MYOM3: variants seen among roughly 807,000 people sequenced by gnomAD.
MYOM3 encodes the protein myomesin 3.
In MYOM3, 155 loss-of-function variants were observed where a neutral mutation model predicts 191.7. That is an observed-to-expected ratio of 0.81 (90% CI 0.71 to 0.92). The LOEUF (loss-of-function observed/expected upper bound fraction) is 0.92. Ranked by LOEUF, MYOM3 falls within the 40% of genes least tolerant of loss-of-function variation. MYOM3 has a pLI of 0.00. For synonymous variants in MYOM3, 757 were observed against 762.9 expected, an observed-to-expected ratio of 0.99 and a Z score of 0.13; for missense variants, 1,889 against 1,890.6, an observed-to-expected ratio of 1.00 and a Z score of 0.02.
intron 18 of MYOM3, chr1:24,081,692 A>G (rs903338063): frequency 1.7e-6 from 1 of 594,976 alleles, no homozygotes; most frequent in East Asian, 2.9e-5. Context: ...CCTCTCGAGT[A>G]GCCAGGACTA....
chr1:24,095,607 G>A (rs915824973), intron 7 of MYOM3, 121 bp from the exon 8 acceptor site: 10 of 799,906 alleles, frequency 1.3e-5, no homozygotes, highest in Admixed American at 2.7e-5. Context: ...TTCCCCTTGT[G>A]GCTTTGGGAA....
At chr1:24,067,792 C>T (rs947426052) in intron 27 of MYOM3, among the ~76,000 whole-genome samples, 178 bp downstream of exon 27, 9 of 152,138 alleles carry the variant, frequency 5.9e-5, no homozygotes, top group Admixed American at 2.0e-4. Context: ...GGGCTCAGCT[C>T]TCACCCTCAG....
chr1:24,068,437 G>A lies in MYOM3; in HGVS notation c.3151-70C>T, dbSNP rs911906581. 3.8e-6 allele frequency: 6 copies of A among 1,582,606 alleles called. No individual in the cohort carries two copies. The East Asian group carries it at 1.3e-4, about 35-fold the overall frequency. ...TTTGTTGTGGGGTACACATCAGAGT[G>A]TAGTGGGCTTGGGGGTGGTAAGCAC... is the stretch of plus-strand genomic sequence containing the variant. On this transcript the variant is annotated intron_variant, in intron 25 of 36. Coordinates refer to ENST00000374434, the MANE Select transcript of MYOM3 (RefSeq NM_152372.4).
At chr1:24,082,828 T>A in intron 16 of MYOM3, 114 bp from the exon 17 acceptor site, 1 of 1,297,162 alleles carries the variant, frequency 7.7e-7, no homozygotes. Context: ...AATTTGAAGG[T>A]TCAGGTCAAT....
At chr1:24,075,835 T>C (rs1643592268) in intron 21 of MYOM3, among the ~76,000 whole-genome samples, 1 of 152,242 alleles carries the variant, frequency 6.6e-6, no homozygotes, top group Admixed American at 6.5e-5. Flanking sequence ...CATTCACTCC[T>C]GTATTCGCAG....
intron 30 of MYOM3, 37 bp downstream of exon 30, chr1:24,064,035 C>T: frequency 1.3e-6 from 2 of 1,490,310 alleles, no homozygotes; most frequent in Non-Finnish European, 1.9e-6. Context: ...CTCCACTGTG[C>T]TCCCTCCACA....
intron 17 of MYOM3, 149 bp downstream of exon 17, chr1:24,082,443 GA>G: frequency 8.5e-7 from 1 of 1,171,508 alleles, no homozygotes; most frequent in East Asian, 2.7e-5. Flanking sequence ...CTTCCCAAAG[GA>G]AAGGGCAGCC....
chr1:24,090,388 C>T (rs1643802358), intron 12 of MYOM3, among the ~76,000 whole-genome samples: 1 of 152,094 alleles, frequency 6.6e-6, no homozygotes, highest in South Asian at 2.1e-4. Flanking sequence ...CGCTGGGCAC[C>T]CTGCCACGGT....
At chr1:24,086,348 G>A (rs1485629856) in intron 15 of MYOM3, among the ~76,000 whole-genome samples, 5 of 152,092 alleles carry the variant, frequency 3.3e-5, no homozygotes, top group Admixed American at 6.5e-5. Context: ...CCTGTGGAAC[G>A]GAGGGACCAG....
At chr1:24,081,973 AC>A in intron 18 of MYOM3, 27 bp downstream of exon 18, 1 of 1,589,236 alleles carries the variant, frequency 6.3e-7, no homozygotes. Context: ...AAGTCATGAC[AC>A]AGGCTGGGGC....
At chr1:24,105,121 G>T (rs933112947) in intron 5 of MYOM3, among the ~76,000 whole-genome samples, 3 of 151,914 alleles carry the variant, frequency 2.0e-5, no homozygotes, top group Non-Finnish European at 4.4e-5. Flanking sequence ...TAGCCTCTGG[G>T]ATTCTGCCAT....
chr1:24,101,865 T>C (rs1369691583), intron 5 of MYOM3, among the ~76,000 whole-genome samples: 1 of 152,144 alleles, frequency 6.6e-6, no homozygotes, highest in Non-Finnish European at 1.5e-5. Flanking sequence ...TTGTTCCCCG[T>C]GTTGTGTGAA....
At chr1:24,073,143 T>G (rs1643551409) in intron 23 of MYOM3, among the ~76,000 whole-genome samples, 1 of 152,150 alleles carries the variant, frequency 6.6e-6, no homozygotes, top group Non-Finnish European at 1.5e-5. Flanking sequence ...GGGATTATAA[T>G]CCCTCTTTAC....
intron 5 of MYOM3, among the ~76,000 whole-genome samples, chr1:24,100,722 T>G (rs556099602): frequency 6.6e-6 from 1 of 152,118 alleles, no homozygotes; most frequent in East Asian, 1.9e-4. Context: ...CCGTTTCTCC[T>G]AAAAATACAA....
At chr1:24,071,274 A>G in intron 24 of MYOM3, 21 bp from the exon 25 acceptor site, 1 of 1,601,952 alleles carries the variant, frequency 6.2e-7, no homozygotes, top group Non-Finnish European at 8.5e-7. Flanking sequence ...CAGGACGGGA[A>G]GGGGGTGGGT....
intron 27 of MYOM3, 144 bp downstream of exon 27, chr1:24,067,826 T>C (rs1643472188): frequency 1.2e-6 from 1 of 804,248 alleles, no homozygotes; most frequent in Non-Finnish European, 2.1e-6. Flanking sequence ...TATTTTGATC[T>C]GGCACTGGGA....
chr1:24,071,322 A>G, intron 24 of MYOM3, 69 bp from the exon 25 acceptor site: 1 of 1,526,728 alleles, frequency 6.5e-7, no homozygotes. Context: ...TTCCAGCCCC[A>G]CCTTGAGCAC....
rs1335247978 is a variant in MYOM3 at position 24,056,787 on chromosome 1, C to T, written c.*577G>A. ...CTTTATAATCTTTATCATGTCCTGC[C>T]TTGTCCTGGAGTTGTTTGCGCCCAG... On this transcript the variant is annotated 3_prime_UTR_variant, in exon 37 of 37. Coordinates refer to ENST00000374434, the MANE Select transcript of MYOM3 (RefSeq NM_152372.4). 2 of 152,818 alleles carry T rather than the reference C, an allele frequency of 1.3e-5. No individual in the cohort carries two copies. Among genetic ancestry groups the T allele is most frequent in the East Asian group, 1.9e-4 (1 of 5,196 alleles). 9.5% of individuals were successfully genotyped at this position (152,818 alleles called of 1,614,324 possible). A position where few individuals can be genotyped will look rare whatever the true frequency, so the allele number is the denominator to read the frequency against.
chr1:24,076,049 A>G, intron 21 of MYOM3, 110 bp downstream of exon 21: 2 of 772,048 alleles, frequency 2.6e-6, no homozygotes, highest in East Asian at 2.6e-5. Context: ...GGGCCAGAGA[A>G]GTGTGAGGGC....
Sources: gnomAD v4.1 joint callset for allele counts (sites outside exome capture counted in the v4.1 genomes callset) on GRCh38, gnomAD v4.1.1 for gene constraint, MANE v1.5 for transcripts, NCBI Gene and HGNC (gene_info 2026-07-23, HGNC 2026-07-21) for gene names.